The following ERBB4 variants were observed in gnomAD, a reference collection of about 807,000 sequenced individuals.
ERBB4 encodes the protein receptor tyrosine-protein kinase erbB-4.
A neutral mutation model predicts 158.0 loss-of-function variants in ERBB4; 42 were observed. That is an observed-to-expected ratio of 0.27 (90% CI 0.21 to 0.34). The LOEUF is 0.34. ERBB4 is among the 10% of genes least tolerant of loss of function. The probability of loss-of-function intolerance (pLI) is 1.00; values close to 1 mark genes in which losing one functional copy is unlikely to be tolerated. For missense variants in ERBB4, 1,333 were observed against 1,624.1 expected (o/e 0.82, Z 3.08); for synonymous variants, 583 against 558.7 (o/e 1.04, Z -0.61).
At chr2:212,247,240 T>G (rs951867493) in intron 1 of ERBB4, among the ~76,000 whole-genome samples, 9 of 152,146 alleles carry the variant, frequency 5.9e-5, no homozygotes, top group African/African-American at 2.2e-4. Context: ...CAACCTATGA[T>G]TGGGACCTGA....
chr2:212,443,173 T>C (rs915297928), intron 1 of ERBB4, among the ~76,000 whole-genome samples: 1 of 152,240 alleles, frequency 6.6e-6, no homozygotes, highest in Non-Finnish European at 1.5e-5. Flanking sequence ...TTTACTGTCC[T>C]ACCTCAGGGG....
At chr2:212,284,699 C>G (rs867196441) in intron 1 of ERBB4, among the ~76,000 whole-genome samples, 1 of 152,090 alleles carries the variant, frequency 6.6e-6, no homozygotes, top group African/African-American at 2.4e-5. Flanking sequence ...TGCTTGTTGT[C>G]TTTAGAAGTT....
At position 211,916,541 on chromosome 2, in the gene ERBB4, AAAC is replaced by A. The variant is rs757929469; in HGVS notation, c.421+30886_421+30888del. Among the ~76,000 whole-genome samples, 16 of 152,326 alleles carry A rather than the reference AAAC, an allele frequency of 1.1e-4. No individual in the cohort carries two copies. The East Asian group carries it at 2.9e-3, about 28-fold the overall frequency. On this transcript the variant is annotated intron_variant, in intron 3 of 27. Transcript: ENST00000342788. Reference sequence around the variant, plus strand: ...CTATAAATTTTGTATCAGTAGAAGAAAACAAATGCAAGAAGTGTTAGAATATGT... The same window carrying A: ...CTATAAATTTTGTATCAGTAGAAGAAAAATGCAAGAAGTGTTAGAATATGT...
In ERBB4 at chr2:211,947,584, C is replaced by G; in HGVS notation, c.267G>C (p.Val89=). The G allele has an allele frequency of 6.2e-7, 1 of 1,613,770 alleles. No homozygotes were observed. The highest frequency in any genetic ancestry group is 1.7e-5 in the Admixed American group (1 of 59,972). The change falls in exon 3 of 28, where the codon GTG becomes GTC. Residue 89 remains valine, a synonymous_variant. Coordinates refer to ENST00000342788, the MANE Select transcript of ERBB4 (RefSeq NM_005235.3). ...GCAGGTAACGAAACTGATTAAGAGCCACTAACACGTAGCCTGTGACTTCTC... is the reference window on the plus strand; with the variant it reads ...GCAGGTAACGAAACTGATTAAGAGCGACTAACACGTAGCCTGTGACTTCTC... ...SVREVTGYVL[V]ALNQFRYLPL...
intron 1 of ERBB4, among the ~76,000 whole-genome samples, chr2:212,266,234 T>C (rs1277073764): frequency 1.3e-5 from 2 of 151,926 alleles, no homozygotes; most frequent in Admixed American, 6.6e-5. Context: ...ATACTAGATA[T>C]TAAATAATTT....
At chr2:212,398,116 GTGTGTGTATA>G (rs1189958684) in intron 1 of ERBB4, among the ~76,000 whole-genome samples, 2 of 151,120 alleles carry the variant, frequency 1.3e-5, no homozygotes, top group Non-Finnish European at 3.0e-5. Context: ...GTGTGTGTGT[GTGTGTGTATA>G]TATATACACA....
intron 2 of ERBB4, among the ~76,000 whole-genome samples, chr2:212,027,892 A>G (rs1371342840): frequency 6.6e-6 from 1 of 152,016 alleles, no homozygotes; most frequent in Non-Finnish European, 1.5e-5. Flanking sequence ...AAACTTCCAT[A>G]ACTGGAGCAA....
chr2:211,812,763 C>G (rs568726914), intron 3 of ERBB4, among the ~76,000 whole-genome samples: 5 of 152,208 alleles, frequency 3.3e-5, no homozygotes, highest in Admixed American at 2.6e-4. Flanking sequence ...TGCCTCTCCC[C>G]CTACAGGCTG....
chr2:212,391,344 A>C, intron 1 of ERBB4, among the ~76,000 whole-genome samples: 1 of 151,624 alleles, frequency 6.6e-6, no homozygotes, highest in South Asian at 2.1e-4. Context: ...GGTAAGATTT[A>C]TTTTGGTCAC....
intron 3 of ERBB4, among the ~76,000 whole-genome samples, chr2:211,812,030 G>A: frequency 6.6e-6 from 1 of 152,328 alleles, no homozygotes; most frequent in East Asian, 1.9e-4. Flanking sequence ...CCTTCTGTCA[G>A]CTCGTCAAAG....
At chr2:211,818,348 A>G (rs1481445187) in intron 3 of ERBB4, among the ~76,000 whole-genome samples, 1 of 152,114 alleles carries the variant, frequency 6.6e-6, no homozygotes, top group Non-Finnish European at 1.5e-5. Context: ...CATCTGTCTA[A>G]TGAGAGATCA....
intron 1 of ERBB4, among the ~76,000 whole-genome samples, chr2:212,228,328 T>C (rs1017948498): frequency 6.6e-6 from 1 of 152,186 alleles, no homozygotes; most frequent in Non-Finnish European, 1.5e-5. Context: ...GAACTTTAGA[T>C]GATTTGAGAA....
chr2:211,992,217 G>T (rs1008240696), intron 2 of ERBB4, among the ~76,000 whole-genome samples: 1 of 152,118 alleles, frequency 6.6e-6, no homozygotes, highest in Non-Finnish European at 1.5e-5. Context: ...AGAAAAAGAG[G>T]TTTAATTGGA....
At chr2:212,135,303 G>A (rs1412836562) in intron 1 of ERBB4, among the ~76,000 whole-genome samples, 1 of 152,056 alleles carries the variant, frequency 6.6e-6, no homozygotes, top group East Asian at 1.9e-4. Flanking sequence ...AATTATACAT[G>A]ATTGTCTTCT....
At chr2:212,244,685 C>T (rs2084246565) in intron 1 of ERBB4, among the ~76,000 whole-genome samples, 1 of 152,088 alleles carries the variant, frequency 6.6e-6, no homozygotes, top group South Asian at 2.1e-4. Context: ...TTCCTCTCAC[C>T]TTGCACCAAA....
intron 9 of ERBB4, among the ~76,000 whole-genome samples, chr2:211,706,611 A>C (rs1039807114): frequency 1.3e-4 from 20 of 151,582 alleles, no homozygotes; most frequent in African/African-American, 2.7e-4. Flanking sequence ...CAAAAAAAAA[A>C]AAAACAAAAA....
At chr2:211,854,076 A>G (rs2077788958) in intron 3 of ERBB4, among the ~76,000 whole-genome samples, 2 of 152,144 alleles carry the variant, frequency 1.3e-5, no homozygotes, top group Non-Finnish European at 2.9e-5. Context: ...CGGTGTTTGA[A>G]TTTTCTCAAA....
chr2:212,153,469 A>G (rs1313772035), intron 1 of ERBB4, among the ~76,000 whole-genome samples: 1 of 152,124 alleles, frequency 6.6e-6, no homozygotes, highest in African/African-American at 2.4e-5. Context: ...AACATACACA[A>G]TCATATGTAA....
In ERBB4 at chr2:211,624,084, TAGTC is replaced by T. The variant is rs761475313; in HGVS notation, c.2080-44_2080-41del. Reference sequence around the variant, plus strand: ...GAAGAAGGTTATACTTTCAGTCCGATAGTCAGTCCTCTCTCTCTGTCTCTCTCTC... The same window carrying T: ...GAAGAAGGTTATACTTTCAGTCCGATAGTCCTCTCTCTCTGTCTCTCTCTC... On this transcript the variant is annotated intron_variant, in intron 17 of 27. Transcript: ENST00000342788. 7 of 1,612,996 alleles carry T rather than the reference TAGTC, an allele frequency of 4.3e-6. No homozygotes were observed. The East Asian group carries it at 1.1e-4, about 26-fold the overall frequency.
Sources: allele counts gnomAD v4.1 joint callset (sites outside exome capture counted in the v4.1 genomes callset), GRCh38; gene constraint gnomAD v4.1.1; transcripts MANE v1.5; gene names NCBI Gene and HGNC (gene_info 2026-07-23, HGNC 2026-07-21).